Variants in SLC1A3 observed in about 807,000 individuals in gnomAD.
The protein encoded by SLC1A3 is excitatory amino acid transporter 1.
A neutral mutation model predicts 48.1 loss-of-function variants in SLC1A3; 21 were observed. The ratio of observed to expected loss-of-function variants is 0.44; its 90% CI spans 0.31 to 0.63. The LOEUF (loss-of-function observed/expected upper bound fraction) is 0.63, where lower values mean the gene tolerates loss of function less well. Among genes scored for constraint, SLC1A3 ranks in the 20% least tolerant of loss-of-function variants. The pLI, the probability that SLC1A3 is intolerant of heterozygous loss-of-function variation, is 0.08. For missense variants in SLC1A3, 546 were observed against 689.0 expected (o/e 0.79, Z 2.32); for synonymous variants, 239 against 251.4 (o/e 0.95, Z 0.47).
At chr5:36,621,167 A>G (rs1408809135) in intron 2 of SLC1A3, among the ~76,000 whole-genome samples, 1 of 152,090 alleles carries the variant, frequency 6.6e-6, no homozygotes, top group African/African-American at 2.4e-5. Flanking sequence ...CGGCCTCCCA[A>G]AGTGCTGGAG....
chr5:36,653,353 T>C (rs16903247), intron 3 of SLC1A3, among the ~76,000 whole-genome samples: 7,202 of 152,302 alleles, frequency 0.047, 175 homozygotes, highest in East Asian at 0.089. Flanking sequence ...TTTTAGGCCT[T>C]TAATGTGTGG....
rs1401517801 is a variant in SLC1A3 at position 36,686,532 on chromosome 5, T to A, written c.*263T>A. Reference sequence around the variant, plus strand: ...GTACCAAGATCACAAATAGTGTTGATCAGATCTTACAAGTTTATGTGGCAC... The same window carrying A: ...GTACCAAGATCACAAATAGTGTTGAACAGATCTTACAAGTTTATGTGGCAC... On this transcript the variant is annotated 3_prime_UTR_variant, in exon 10 of 10. Coordinates refer to ENST00000265113, the MANE Select transcript of SLC1A3 (RefSeq NM_004172.5). 1 of 498,636 alleles carries A rather than the reference T, an allele frequency of 2.0e-6. No homozygotes were observed. 30.9% of individuals were successfully genotyped at this position (498,636 alleles called of 1,614,324 possible).
intron 6 of SLC1A3, among the ~76,000 whole-genome samples, chr5:36,679,391 A>G (rs546567410): frequency 2.0e-5 from 3 of 152,168 alleles, no homozygotes; most frequent in Non-Finnish European, 2.9e-5. Flanking sequence ...ATTCTCAGTG[A>G]GGGGAAAGCC....
At chr5:36,680,641 G>A (rs1208683950) in intron 8 of SLC1A3, 52 bp downstream of exon 8, 3 of 1,491,492 alleles carry the variant, frequency 2.0e-6, no homozygotes, top group Middle Eastern at 1.7e-4. Context: ...TTTAAGGCTG[G>A]GCGTGGTGGC....
intron 2 of SLC1A3, among the ~76,000 whole-genome samples, chr5:36,610,900 A>G (rs1739166936): frequency 1.3e-5 from 2 of 152,222 alleles, no homozygotes; most frequent in Non-Finnish European, 2.9e-5. Flanking sequence ...AGAAACACAT[A>G]AAAAGAGCTC....
At chr5:36,683,763 A>G (rs763528205) in intron 8 of SLC1A3, 101 bp from the exon 9 acceptor site, 38 of 1,311,718 alleles carry the variant, frequency 2.9e-5, no homozygotes, top group Non-Finnish European at 3.7e-5. Flanking sequence ...CTTGTGTTAC[A>G]TGGCAAGTCA....
chr5:36,623,463 GC>G (rs1739766954), intron 2 of SLC1A3, among the ~76,000 whole-genome samples: 1 of 152,164 alleles, frequency 6.6e-6, no homozygotes, highest in Middle Eastern at 3.4e-3. Flanking sequence ...TGGCCATAAA[GC>G]TTTTTGTCAG....
chr5:36,653,827 GA>G (rs895915007), intron 3 of SLC1A3, among the ~76,000 whole-genome samples: 2 of 152,128 alleles, frequency 1.3e-5, no homozygotes, highest in Non-Finnish European at 2.9e-5. Context: ...TAAAAATAAG[GA>G]AAATATTGAT....
At chr5:36,607,759 G>T (rs1739012767) in intron 1 of SLC1A3, among the ~76,000 whole-genome samples, 1 of 152,102 alleles carries the variant, frequency 6.6e-6, no homozygotes, top group Non-Finnish European at 1.5e-5. Context: ...TGTACTGTGG[G>T]CACTTGTGTT....
In SLC1A3 at chr5:36,680,698, T is replaced by A. The variant is rs908957503; in HGVS notation, c.1289+109T>A. The A allele has an allele frequency of 3.7e-5, 33 of 887,172 alleles. No homozygotes were observed. In the Admixed American group the frequency reaches 5.9e-4, roughly 16 times the overall value. 55.0% of individuals were successfully genotyped at this position (887,172 alleles called of 1,614,324 possible). On this transcript the variant is annotated intron_variant, in intron 8 of 9. Transcript: ENST00000265113. ...TTTGGGAGGCCAAGGCGGGTGGATCTCCTGAGGCCAGGAGTTCAAGACTAG... is the reference window on the plus strand; with the variant it reads ...TTTGGGAGGCCAAGGCGGGTGGATCACCTGAGGCCAGGAGTTCAAGACTAG...
chr5:36,676,090 A>G (rs1482479071), intron 5 of SLC1A3, among the ~76,000 whole-genome samples: 1 of 152,244 alleles, frequency 6.6e-6, no homozygotes, highest in Non-Finnish European at 1.5e-5. Flanking sequence ...GAAAAAGACC[A>G]TCTCTTGAGT....
At position 36,612,185 on chromosome 5, in the gene SLC1A3, TCA is replaced by T. The variant is rs1013135663; in HGVS notation, c.181+3594_181+3595del. 4.3e-4 allele frequency among the ~76,000 whole-genome samples: 65 copies of T among 151,624 alleles called. No homozygotes were observed. In the South Asian group the frequency reaches 0.013, roughly 30 times the overall value. ...TTCTCCTTTCTCTGATATTGATCTC[TCA>T]CACACACACACATACACACACACTC... On this transcript the variant is annotated intron_variant, in intron 2 of 9. Coordinates refer to ENST00000265113, the MANE Select transcript of SLC1A3 (RefSeq NM_004172.5).
intron 3 of SLC1A3, among the ~76,000 whole-genome samples, chr5:36,650,633 A>G (rs2111844217): frequency 6.6e-6 from 1 of 152,288 alleles, no homozygotes; most frequent in East Asian, 1.9e-4. Context: ...TTATGTCACC[A>G]TGGTATTGTT....
chr5:36,624,167 A>C (rs552705636), intron 2 of SLC1A3, among the ~76,000 whole-genome samples: 7 of 152,364 alleles, frequency 4.6e-5, no homozygotes, highest in African/African-American at 1.2e-4. Context: ...TTGTTGATTC[A>C]TTCAGCAGTG....
chr5:36,603,380 T>C (rs1738830127), upstream of SLC1A3, among the ~76,000 whole-genome samples: 1 of 152,254 alleles, frequency 6.6e-6, no homozygotes, highest in Non-Finnish European at 1.5e-5. Flanking sequence ...CCTGGCCCAC[T>C]GCTTAATAAT....
chr5:36,609,678 T>G (rs1739115447), intron 2 of SLC1A3, among the ~76,000 whole-genome samples: 1 of 152,238 alleles, frequency 6.6e-6, no homozygotes, highest in African/African-American at 2.4e-5. Context: ...ACATCCCATT[T>G]TAACATCATT....
rs190099255 is a variant in SLC1A3, at chr5:36,607,547, A to G, written c.-95-782A>G. Among the ~76,000 whole-genome samples the G allele has an allele frequency of 2.0e-5, 3 of 152,360 alleles. No homozygotes were observed. In the East Asian group the frequency reaches 5.8e-4, roughly 29 times the overall value. On this transcript the variant is annotated intron_variant, in intron 1 of 9. Coordinates refer to ENST00000265113, the MANE Select transcript of SLC1A3 (RefSeq NM_004172.5). ...TGTTCTAGAAATCCTAAATTTTAAA[A>G]CGCTAAAAAGTCAGCGATAGTTTCC...
At chr5:36,659,769 G>T (rs969438896) in intron 3 of SLC1A3, among the ~76,000 whole-genome samples, 1 of 152,104 alleles carries the variant, frequency 6.6e-6, no homozygotes, top group African/African-American at 2.4e-5. Context: ...TACATCAAAG[G>T]CTTAATGTTT....
Position 36,608,458 on chromosome 5 carries a change from G to A in SLC1A3, c.35G>A (p.Gly12Glu), listed in dbSNP as rs758393528. 1.9e-6 allele frequency: 3 copies of A among 1,614,050 alleles called. No homozygotes were observed. The South Asian group carries it at 3.3e-5, about 18-fold the overall frequency. Residue 12 changes from glycine to glutamate, a missense_variant, in exon 2 of 10, where the codon GGG (glycine) becomes GAG (glutamate). By Grantham distance (98) the Gly-to-Glu change is moderately conservative. This residue lies in a region of SLC1A3 where 348 missense variants were observed against 392.0 expected (regional missense o/e 0.89). Transcript: ENST00000265113. ...AGCAATGGAGAAGAGCCCAAGATGG[G>A]GGGCAGGATGGAGAGATTCCAGCAG... ...TKSNGEEPKM[G>E]GRMERFQQGV...
Sources: gnomAD v4.1 joint callset for allele counts (sites outside exome capture counted in the v4.1 genomes callset) on GRCh38, gnomAD v4.1.1 for gene constraint, gnomAD v4.1.1 regional missense constraint, MANE v1.5 for transcripts, NCBI Gene and HGNC (gene_info 2026-07-23, HGNC 2026-07-21) for gene names.